The following ATXN8OS variants were observed in gnomAD, a reference collection of about 807,000 sequenced individuals.
ATXN8OS encodes ATXN8 opposite strand lncRNA.
At chr13:70,141,406 G>A (rs1429701831) in intron 3 of ATXN8OS, among the ~76,000 whole-genome samples, 1 of 151,968 alleles carries the variant, frequency 6.6e-6, no homozygotes, top group East Asian at 1.9e-4. Context: ...GTGGACATTT[G>A]GCATAATGAA....
chr13:70,123,038 AG>A, intron 2 of ATXN8OS, among the ~76,000 whole-genome samples: 1 of 152,174 alleles, frequency 6.6e-6, no homozygotes, highest in East Asian at 1.9e-4. Flanking sequence ...TTTTATCATA[AG>A]GTTCAACATA....
chr13:70,144,349 T>C (rs546037984), intron 3 of ATXN8OS, among the ~76,000 whole-genome samples: 251 of 152,254 alleles, frequency 1.6e-3, no homozygotes, highest in African/African-American at 5.9e-3. Context: ...TACTAATTTT[T>C]TGAACTTCTC....
chr13:70,166,229 C>T (rs1441797475), intron 4 of ATXN8OS, among the ~76,000 whole-genome samples: 4 of 151,970 alleles, frequency 2.6e-5, no homozygotes, highest in Non-Finnish European at 5.9e-5. Context: ...GCCAAAAGAA[C>T]AAACCAGGAG....
intron 4 of ATXN8OS, among the ~76,000 whole-genome samples, chr13:70,159,307 CTTT>C (rs534248492): frequency 2.0e-5 from 3 of 151,720 alleles, no homozygotes; most frequent in African/African-American, 4.8e-5. Context: ...TTTGTAGATG[CTTT>C]TTTATTATTG....
intron 3 of ATXN8OS, among the ~76,000 whole-genome samples, chr13:70,137,731 G>C (rs915381690): frequency 6.6e-6 from 1 of 152,166 alleles, no homozygotes; most frequent in African/African-American, 2.4e-5. Flanking sequence ...TGTGATAACT[G>C]CTGTGATATT....
chr13:70,112,912 T>TAA (rs1888216765), intron 1 of ATXN8OS, among the ~76,000 whole-genome samples: 1 of 62,094 alleles, frequency 1.6e-5, no homozygotes, highest in East Asian at 8.0e-4. Context: ...AGGGACTTTA[T>TAA]ATATATAATT....
chr13:70,133,268 A>G (rs1163195410), intron 3 of ATXN8OS, among the ~76,000 whole-genome samples: 1 of 152,188 alleles, frequency 6.6e-6, no homozygotes, highest in Non-Finnish European at 1.5e-5. Flanking sequence ...TAAAATTTAA[A>G]AAATACCCAG....
At chr13:70,117,325 C>G (rs1255785225) in intron 2 of ATXN8OS, among the ~76,000 whole-genome samples, 3 of 151,870 alleles carry the variant, frequency 2.0e-5, no homozygotes, top group Admixed American at 6.6e-5. Flanking sequence ...ATACCTATAT[C>G]AAAACATCAT....
chr13:70,118,571 A>AAG (rs766876732), intron 2 of ATXN8OS, among the ~76,000 whole-genome samples: 2 of 151,824 alleles, frequency 1.3e-5, no homozygotes, highest in African/African-American at 2.4e-5. Context: ...CATAGAGAGG[A>AAG]AGAGAGAGAG....
intron 1 of ATXN8OS, chr13:70,108,211 A>G: frequency 2.5e-6 from 1 of 394,214 alleles, no homozygotes; most frequent in Non-Finnish European, 4.5e-6. Context: ...AAAGAGCCCC[A>G]AGTCTCGAGG....
At position 70,126,380 on chromosome 13, in the gene ATXN8OS, A is replaced by G. The variant is rs140896838; in HGVS notation, n.399-3404A>G. 4.3e-3 allele frequency among the ~76,000 whole-genome samples: 654 copies of G among 152,266 alleles called. 6 individuals are homozygous for G. The highest frequency in any genetic ancestry group is 0.015 in the African/African-American group (627 of 41,554). ...CCTCTAATACCAAGGAATTCATGGT[A>G]GGATATGAGGTGGGTAAGGTGCTTA... On this transcript the variant is annotated intron_variant and non_coding_transcript_variant, in intron 2 of 4. Transcript: ENST00000678624.
At chr13:70,156,934 C>T (rs945931327) in intron 4 of ATXN8OS, among the ~76,000 whole-genome samples, 1 of 151,976 alleles carries the variant, frequency 6.6e-6, no homozygotes, top group Admixed American at 6.6e-5. Flanking sequence ...TATTGTGATG[C>T]CCTTTGTGTA....
intron 3 of ATXN8OS, chr13:70,131,369 G>C (rs975701191): frequency 7.5e-6 from 3 of 398,424 alleles, no homozygotes; most frequent in Non-Finnish European, 1.3e-5. Context: ...AAGCAGAAAT[G>C]CATTTTTAAA....
chr13:70,140,771 C>T lies in ATXN8OS; in HGVS notation n.500-6584C>T, dbSNP rs1228528993. On this transcript the variant is annotated intron_variant and non_coding_transcript_variant, in intron 3 of 4. Coordinates refer to ENST00000678624, the Ensembl canonical transcript of ATXN8OS. Reference sequence around the variant, plus strand: ...TTTCCTGATTTAATGCCCCCTAACCCTGTTTTAGTAATCTCAAATTCAAAT... The same window carrying T: ...TTTCCTGATTTAATGCCCCCTAACCTTGTTTTAGTAATCTCAAATTCAAAT... Among the ~76,000 whole-genome samples the T allele has an allele frequency of 2.0e-5, 3 of 151,930 alleles. No homozygotes were observed. In the East Asian group the frequency reaches 5.8e-4, roughly 29 times the overall value.
chr13:70,152,430 T>C (rs1048871132), intron 4 of ATXN8OS, among the ~76,000 whole-genome samples: 1 of 152,032 alleles, frequency 6.6e-6, no homozygotes, highest in African/African-American at 2.4e-5. Context: ...TACACATATG[T>C]ACATATATGT....
At chr13:70,151,597 A>G (rs1593773907) in intron 4 of ATXN8OS, among the ~76,000 whole-genome samples, 1 of 152,162 alleles carries the variant, frequency 6.6e-6, no homozygotes, top group Admixed American at 6.5e-5. Context: ...TATTCAAGAT[A>G]ATTACTACAT....
intron 4 of ATXN8OS, among the ~76,000 whole-genome samples, chr13:70,164,514 C>T (rs964547526): frequency 6.6e-6 from 1 of 151,816 alleles, no homozygotes; most frequent in Non-Finnish European, 1.5e-5. Context: ...CAAAAATATA[C>T]AAATATAAGG....
At chr13:70,153,270 G>A (rs777044663) in intron 4 of ATXN8OS, among the ~76,000 whole-genome samples, 3 of 152,036 alleles carry the variant, frequency 2.0e-5, no homozygotes, top group East Asian at 1.9e-4. Flanking sequence ...GATAAAACTT[G>A]ACATCATATT....
intron 4 of ATXN8OS, among the ~76,000 whole-genome samples, chr13:70,150,956 A>AT (rs905255700): frequency 1.2e-4 from 18 of 152,186 alleles, no homozygotes; most frequent in South Asian, 6.2e-4. Flanking sequence ...TTGGCACTAT[A>AT]TTTTTTTAAA....
Sources: gnomAD v4.1 joint callset for allele counts (sites outside exome capture counted in the v4.1 genomes callset) on GRCh38, gnomAD v4.1.1 for gene constraint, MANE v1.5 for transcripts, NCBI Gene and HGNC (gene_info 2026-07-23, HGNC 2026-07-21) for gene names.